PIK3CD: variants seen among roughly 807,000 people sequenced by gnomAD.
The protein encoded by PIK3CD is phosphatidylinositol-4,5-bisphosphate 3-kinase catalytic subunit delta.
A neutral mutation model predicts 122.9 loss-of-function variants in PIK3CD; 20 were observed. The ratio of observed to expected loss-of-function variants is 0.16; its 90% CI spans 0.11 to 0.24. PIK3CD has a LOEUF of 0.24. Ranked by LOEUF, PIK3CD falls within the 10% of genes least tolerant of loss-of-function variation. The probability of loss-of-function intolerance (pLI) is 1.00; values close to 1 mark genes in which losing one functional copy is unlikely to be tolerated. For missense variants in PIK3CD, 787 were observed against 1,406.3 expected (o/e 0.56, Z 7.04); for synonymous variants, 596 against 593.4 (o/e 1.00, Z -0.06).
chr1:9,629,929 G>A, the PIK3CD span, among the ~76,000 whole-genome samples: 1 of 152,204 alleles, frequency 6.6e-6, no homozygotes, highest in African/African-American at 2.4e-5. Flanking sequence ...AGGGGGGAGT[G>A]GGGGCGGAGG....
rs768006265 is a variant in PIK3CD at position 9,723,972 on chromosome 1, G to A, written c.2598G>A (p.Glu866=). Residue 866 remains glutamate (E), a synonymous_variant, in exon 21 of 24, where the codon GAG becomes GAA. Coordinates refer to ENST00000377346, the MANE Select transcript of PIK3CD (RefSeq NM_005026.5). This position sits in a 1 kb window ranked among gnomAD's most constrained non-coding sequence, Gnocchi z 4.9. Reference sequence around the variant, plus strand: ...CTTTTTAATCTTCCCCACCCAGGGAGGCCCTGGATCGAGCCATTGAGGAGT... The same window carrying A: ...CTTTTTAATCTTCCCCACCCAGGGAAGCCCTGGATCGAGCCATTGAGGAGT... ...LNWLKSKNPG[E]ALDRAIEEFT... is the part of the protein sequence containing the mutation. The A allele has an allele frequency of 1.2e-6, 2 of 1,614,094 alleles. No individual in the cohort carries two copies. The highest frequency in any genetic ancestry group is 8.5e-7 in the Non-Finnish European group (1 of 1,179,968).
In PIK3CD at chr1:9,715,520, G is replaced by T; in HGVS notation, c.142-21G>T. The T allele has an allele frequency of 1.9e-6, 3 of 1,608,860 alleles. No individual in the cohort carries two copies. In the South Asian group the frequency reaches 3.3e-5, roughly 18 times the overall value. On this transcript the variant is annotated intron_variant, in intron 3 of 23. Transcript: ENST00000377346. This position sits in a 1 kb window ranked among gnomAD's most constrained non-coding sequence, Gnocchi z 4.1. ...AGTGGCTGCCTTGGGTGGAGGGGCT[G>T]ACCGGTGACTGTCCCTCCAGCTGCT...
chr1:9,650,600 G>T (rs918322218), upstream of PIK3CD, among the ~76,000 whole-genome samples: 5 of 151,476 alleles, frequency 3.3e-5, no homozygotes, highest in African/African-American at 1.2e-4. Context: ...TTCCAGCCTG[G>T]ACAACAGAGC....
rs762855405 is a variant in PIK3CD, at chr1:9,727,076, A to C, written c.*30A>C. The stretch of plus-strand genomic sequence containing the variant: ...TCCTCCCAGCCCTGGGCCCAAGAGG[A>C]GGCGGCTGCGGGTCGTGGGGACCAA... On this transcript the variant is annotated 3_prime_UTR_variant, in exon 24 of 24. Coordinates refer to ENST00000377346, the MANE Select transcript of PIK3CD (RefSeq NM_005026.5). 32 of 1,613,658 alleles carry C rather than the reference A, an allele frequency of 2.0e-5. No individual in the cohort carries two copies. Among genetic ancestry groups the C allele is most frequent in the African/African-American group, 1.1e-4 (8 of 74,898 alleles).
In PIK3CD at chr1:9,724,593, C is replaced by A. The variant is rs1051164892; in HGVS notation, c.2864+172C>A. On this transcript the variant is annotated intron_variant, in intron 22 of 23. Coordinates refer to ENST00000377346, the MANE Select transcript of PIK3CD (RefSeq NM_005026.5). The surrounding 1 kb of genome is among the most constrained non-coding windows in gnomAD (Gnocchi z 7.3). Reference sequence around the variant, plus strand: ...GCCCCTGCTCCACCCTGCAGTGCCCCTTTTGGGCAATGTGGGCAGGTTTGT... The same window carrying A: ...GCCCCTGCTCCACCCTGCAGTGCCCATTTTGGGCAATGTGGGCAGGTTTGT... Among the ~76,000 whole-genome samples, 1 of 152,240 alleles carries A rather than the reference C, an allele frequency of 6.6e-6. No homozygotes were observed. The highest frequency in any genetic ancestry group is 1.5e-5 in the Non-Finnish European group (1 of 68,046).
chr1:9,664,824 G>A (rs928917191), intron 1 of PIK3CD, among the ~76,000 whole-genome samples: 1 of 152,080 alleles, frequency 6.6e-6, no homozygotes, highest in African/African-American at 2.4e-5. Flanking sequence ...TGTTTTATTA[G>A]GGAACTCTTC....
At chr1:9,658,520 C>CTTTTTTTT (rs1557593016) in intron 1 of PIK3CD, among the ~76,000 whole-genome samples, 1 of 106,652 alleles carries the variant, frequency 9.4e-6, no homozygotes, top group African/African-American at 4.4e-5. Context: ...TTCCCAGCCA[C>CTTTTTTTT]ATTTTTTTTT....
chr1:9,652,884 G>C lies in PIK3CD; in HGVS notation c.-138+1082G>C, dbSNP rs1644722213. ...GCGCCCTGGAGCGGCCAAGGTGCAG[G>C]GTCCTCGCGTGGCACCCTTGGGATC... On this transcript the variant is annotated intron_variant, in intron 1 of 23. Coordinates refer to ENST00000377346, the MANE Select transcript of PIK3CD (RefSeq NM_005026.5). This position sits in a 1 kb window ranked among gnomAD's most constrained non-coding sequence, Gnocchi z 6.2. 6.6e-6 allele frequency: 1 copy of C among 152,364 alleles called. No homozygotes were observed. Among genetic ancestry groups the C allele is most frequent in the Non-Finnish European group, 1.5e-5 (1 of 68,152 alleles). 9.4% of individuals were successfully genotyped at this position (152,364 alleles called of 1,614,324 possible).
At chr1:9,721,272 C>T (rs991832008) in intron 14 of PIK3CD, 24 bp downstream of exon 14, 2 of 1,612,896 alleles carry the variant, frequency 1.2e-6, no homozygotes, top group Admixed American at 3.3e-5. Flanking sequence ...GGGCGCTCCC[C>T]ACTTCTCCAG....
At chr1:9,629,888 G>C in the PIK3CD span, among the ~76,000 whole-genome samples, 18 of 152,136 alleles carry the variant, frequency 1.2e-4, no homozygotes, top group African/African-American at 4.3e-4. Flanking sequence ...TCTCCCCAAC[G>C]AATTTTGCGC....
chr1:9,674,692 CAAAAAA>C (rs35463378), intron 1 of PIK3CD, among the ~76,000 whole-genome samples: 7 of 58,222 alleles, frequency 1.2e-4, no homozygotes, highest in Admixed American at 1.2e-3. Flanking sequence ...GACTCCGTCT[CAAAAAA>C]AAAAAAAAAA....
rs147819600 is a variant in PIK3CD, at chr1:9,668,044, C to T, written c.-138+16242C>T. On this transcript the variant is annotated intron_variant, in intron 1 of 23. Coordinates refer to ENST00000377346, the MANE Select transcript of PIK3CD (RefSeq NM_005026.5). ...CTGGGATTACAGGAGTGAGCCACCA[C>T]GCCTGGTGTAAAACCTAGTTCTTTT... Among the ~76,000 whole-genome samples the T allele has an allele frequency of 2.4e-3, 367 of 151,730 alleles. 1 individual carries two copies. The highest frequency in any genetic ancestry group is 4.1e-3 in the Non-Finnish European group (278 of 67,948).
chr1:9,695,308 G>C (rs1197004226), intron 2 of PIK3CD, among the ~76,000 whole-genome samples: 1 of 152,130 alleles, frequency 6.6e-6, no homozygotes, highest in Non-Finnish European at 1.5e-5. Flanking sequence ...AAAAAGGCAA[G>C]AGAAACGGAG....
intron 1 of PIK3CD, among the ~76,000 whole-genome samples, chr1:9,670,477 G>T (rs1388840604): frequency 1.3e-5 from 2 of 152,204 alleles, no homozygotes; most frequent in African/African-American, 4.8e-5. Flanking sequence ...CTTCAGATTA[G>T]CATTAAAAGC....
intron 2 of PIK3CD, among the ~76,000 whole-genome samples, chr1:9,705,582 T>C (rs1646800744): frequency 6.6e-6 from 1 of 152,042 alleles, no homozygotes; most frequent in South Asian, 2.1e-4. Context: ...TGACTCAGAT[T>C]AGAAAATATT....
At chr1:9,657,778 G>T (rs571952898) in intron 1 of PIK3CD, among the ~76,000 whole-genome samples, 48 of 152,202 alleles carry the variant, frequency 3.2e-4, no homozygotes, top group Admixed American at 2.2e-3. Context: ...GGGCAGAGGT[G>T]GGGGGAGGGC....
chr1:9,717,622 T>G lies in PIK3CD; in HGVS notation c.1016T>G (p.Met339Arg). ...QGSKVNADER[M>R]KLVVQAGLFH... Reference sequence around the variant, plus strand: ...AGCAAAGTGAACGCCGACGAGCGGATGAAGGTGGGGCTCCTGGGATAGGTG... The same window carrying G: ...AGCAAAGTGAACGCCGACGAGCGGAGGAAGGTGGGGCTCCTGGGATAGGTG... Residue 339 changes from methionine (M) to arginine (R), a missense_variant, in exon 8 of 24, where the codon ATG becomes AGG. Transcript: ENST00000377346. The surrounding 1 kb of genome is among the most constrained non-coding windows in gnomAD (Gnocchi z 5.4). 1 of 1,613,930 alleles carries G rather than the reference T, an allele frequency of 6.2e-7. No homozygotes were observed. Among genetic ancestry groups the G allele is most frequent in the Non-Finnish European group, 8.5e-7 (1 of 1,179,926 alleles).
intron 2 of PIK3CD, among the ~76,000 whole-genome samples, chr1:9,701,175 G>A (rs537866995): frequency 1.3e-5 from 2 of 152,238 alleles, no homozygotes; most frequent in African/African-American, 2.4e-5. Context: ...ACCCAGCCCA[G>A]TTGAAGTCTT....
intron 3 of PIK3CD, among the ~76,000 whole-genome samples, chr1:9,711,637 G>A (rs1024097839): frequency 2.6e-5 from 4 of 151,342 alleles, no homozygotes; most frequent in Admixed American, 1.3e-4. Context: ...GCAGTAGTGC[G>A]ATCACAGCTC....
Sources: allele counts gnomAD v4.1 joint callset (sites outside exome capture counted in the v4.1 genomes callset), GRCh38; gene constraint gnomAD v4.1.1; non-coding constraint Gnocchi (gnomAD v3.1); transcripts MANE v1.5; gene names NCBI Gene and HGNC (gene_info 2026-07-23, HGNC 2026-07-21).